Variants in TENM3 observed in about 807,000 individuals in gnomAD.
The protein encoded by TENM3 is teneurin-3.
Under a neutral mutation model 255.1 loss-of-function variants are expected in TENM3, and 63 were observed. The ratio of observed to expected loss-of-function variants is 0.25; its 90% CI spans 0.20 to 0.30. The LOEUF (loss-of-function observed/expected upper bound fraction) is 0.30, where lower values mean the gene tolerates loss of function less well. Ranked by LOEUF, TENM3 falls within the 10% of genes least tolerant of loss-of-function variation. The probability of loss-of-function intolerance (pLI) is 1.00; values close to 1 mark genes in which losing one functional copy is unlikely to be tolerated. For synonymous variants in TENM3, 1,306 were observed against 1,322.3 expected (o/e 0.99, Z 0.27); for missense variants, 2,929 against 3,461.1 (o/e 0.85, Z 3.86).
chr4:181,832,909 C>T, the TENM3 span, among the ~76,000 whole-genome samples: 3 of 152,078 alleles, frequency 2.0e-5, no homozygotes, highest in African/African-American at 7.2e-5. Flanking sequence ...GGACCGTGCT[C>T]CAGAAGATGA....
intron 18 of TENM3, among the ~76,000 whole-genome samples, chr4:182,740,538 A>G (rs1289034995): frequency 2.0e-5 from 3 of 152,194 alleles, no homozygotes; most frequent in Non-Finnish European, 4.4e-5. Flanking sequence ...ACTAGGGGAA[A>G]CGTCTCTAGA....
the TENM3 span, among the ~76,000 whole-genome samples, chr4:182,123,906 A>T: frequency 6.6e-6 from 1 of 152,206 alleles, no homozygotes; most frequent in African/African-American, 2.4e-5. Context: ...GGGGGAGTCA[A>T]ATAAGACCAC....
chr4:181,544,408 T>TAAAAAAAAAAAAAAAAAAAAAAAAAAA, the TENM3 span, among the ~76,000 whole-genome samples: 13 of 68,668 alleles, frequency 1.9e-4, 3 homozygotes, highest in African/African-American at 4.2e-4. Context: ...CCTTCAGGAT[T>TAAAAAAAAAAAAAAAAAAAAAAAAAAA]AAAAAAAAAA....
the TENM3 span, among the ~76,000 whole-genome samples, chr4:181,603,944 G>A: frequency 2.2e-4 from 34 of 152,264 alleles, 1 homozygote; most frequent in South Asian, 7.1e-3. Flanking sequence ...AGAAGTCTTC[G>A]TTAACAGATA....
chr4:181,836,182 T>C, the TENM3 span, among the ~76,000 whole-genome samples: 6 of 29,406 alleles, frequency 2.0e-4, no homozygotes, highest in African/African-American at 2.8e-4. Context: ...CATACACACA[T>C]GCACACACAC....
chr4:182,484,391 A>G (rs1016512247), intron 3 of TENM3, among the ~76,000 whole-genome samples: 2 of 152,146 alleles, frequency 1.3e-5, no homozygotes, highest in Non-Finnish European at 1.5e-5. Context: ...AGAGTGCACT[A>G]TTACCAATCA....
chr4:181,595,321 C>T, the TENM3 span, among the ~76,000 whole-genome samples: 1 of 150,752 alleles, frequency 6.6e-6, no homozygotes, highest in East Asian at 2.0e-4. Flanking sequence ...ATCTCAGATA[C>T]TTGGGAGGCT....
At chr4:181,733,155 C>A in the TENM3 span, among the ~76,000 whole-genome samples, 1 of 152,138 alleles carries the variant, frequency 6.6e-6, no homozygotes, top group African/African-American at 2.4e-5. Flanking sequence ...ATTCAAGTTG[C>A]TATCCTGGGA....
At chr4:181,770,821 G>A in the TENM3 span, among the ~76,000 whole-genome samples, 1,060 of 152,128 alleles carry the variant, frequency 7.0e-3, 14 homozygotes, top group African/African-American at 0.023. Flanking sequence ...GTACATGAAA[G>A]CTTGAGATCA....
intron 1 of TENM3, among the ~76,000 whole-genome samples, chr4:182,206,052 T>A (rs1754550434): frequency 6.8e-6 from 1 of 147,952 alleles, no homozygotes; most frequent in Non-Finnish European, 1.5e-5. Context: ...TCTGTAAAAT[T>A]AAAAAAAAAA....
the TENM3 span, among the ~76,000 whole-genome samples, chr4:181,572,970 A>G: frequency 5.9e-3 from 897 of 152,286 alleles, 13 homozygotes; most frequent in African/African-American, 0.021. Flanking sequence ...TTTAGCTCCC[A>G]CAAATGAATG....
At chr4:181,699,553 A>G in the TENM3 span, among the ~76,000 whole-genome samples, 1 of 151,050 alleles carries the variant, frequency 6.6e-6, no homozygotes, top group Non-Finnish European at 1.5e-5. Context: ...TAATTAACTG[A>G]GGAGTTTTTC....
the TENM3 span, among the ~76,000 whole-genome samples, chr4:182,086,637 T>G: frequency 6.6e-6 from 1 of 152,200 alleles, no homozygotes; most frequent in African/African-American, 2.4e-5. Context: ...ATCAACTATC[T>G]TTGAGTTTGC....
intron 2 of TENM3, among the ~76,000 whole-genome samples, chr4:182,330,200 C>T (rs1415538942): frequency 6.6e-6 from 1 of 152,168 alleles, no homozygotes; most frequent in Non-Finnish European, 1.5e-5. Context: ...GAGAAATGCA[C>T]ACAAATTCAT....
chr4:181,508,401 T>G, the TENM3 span, among the ~76,000 whole-genome samples: 1 of 152,348 alleles, frequency 6.6e-6, no homozygotes, highest in South Asian at 2.1e-4. Context: ...TAAAATATTG[T>G]CTTTTTCTGA....
At chr4:182,407,093 T>C (rs1425707964) in intron 3 of TENM3, among the ~76,000 whole-genome samples, 1 of 152,206 alleles carries the variant, frequency 6.6e-6, no homozygotes, top group East Asian at 1.9e-4. Context: ...AACAGGCTGA[T>C]CTGTGATGTG....
chr4:181,620,567 C>T, the TENM3 span, among the ~76,000 whole-genome samples: 1 of 151,214 alleles, frequency 6.6e-6, no homozygotes, highest in East Asian at 2.0e-4. Context: ...AATGAACTCT[C>T]AATGTTTCAT....
At chr4:182,222,628 A>G (rs1755911035) in intron 1 of TENM3, among the ~76,000 whole-genome samples, 1 of 152,254 alleles carries the variant, frequency 6.6e-6, no homozygotes, top group Admixed American at 6.5e-5. Flanking sequence ...AGAGAAAACA[A>G]GAAATCGTGC....
At chr4:182,431,112 G>T (rs1580514714) in intron 3 of TENM3, among the ~76,000 whole-genome samples, 1 of 152,182 alleles carries the variant, frequency 6.6e-6, no homozygotes, top group East Asian at 1.9e-4. Context: ...GGTGAGAAAA[G>T]GGGAGACAAT....
Sources: allele counts gnomAD v4.1 joint callset (sites outside exome capture counted in the v4.1 genomes callset), GRCh38; gene constraint gnomAD v4.1.1; transcripts MANE v1.5; gene names NCBI Gene and HGNC (gene_info 2026-07-23, HGNC 2026-07-21).